Variants in HTT observed in about 807,000 individuals in gnomAD.
The protein encoded by HTT is huntingtin.
HTT carries 104 observed loss-of-function variants against 362.3 expected under a neutral mutation model. The observed-to-expected ratio is 0.29, with a 90% CI of 0.24 to 0.34. The LOEUF (loss-of-function observed/expected upper bound fraction) is 0.34. HTT is among the 10% of genes least tolerant of loss of function. HTT has a pLI of 1.00. For synonymous variants in HTT, 1,577 were observed against 1,548.7 expected (o/e 1.02, Z -0.43); for missense variants, 3,301 against 3,928.6 (o/e 0.84, Z 4.27).
intron 11 of HTT, among the ~76,000 whole-genome samples, chr4:3,126,990 C>A (rs543296857): frequency 1.3e-4 from 20 of 152,158 alleles, no homozygotes; most frequent in Non-Finnish European, 2.1e-4. Context: ...TTGGAGTAGT[C>A]GGTTAAGAAC....
chr4:3,081,639 A>T (rs898430227), intron 1 of HTT, among the ~76,000 whole-genome samples: 5 of 148,436 alleles, frequency 3.4e-5, no homozygotes, highest in South Asian at 4.3e-4. Flanking sequence ...GCTCACTGCA[A>T]CCTCTGCCTC....
At position 3,201,794 on chromosome 4, in the gene HTT, A is replaced by G. The variant is rs566351632; in HGVS notation, c.5576+1855A>G. Among the ~76,000 whole-genome samples the G allele has an allele frequency of 3.3e-5, 5 of 152,170 alleles. No individual in the cohort carries two copies. In the South Asian group the frequency reaches 6.2e-4, roughly 19 times the overall value. ...TTTTTCCAGCTGTGGGTGGTGGGGG[A>G]TGAGTATCTTTTTATTTCCATGAGA... On this transcript the variant is annotated intron_variant, in intron 41 of 66. Transcript: ENST00000355072.
At chr4:3,092,061 C>T (rs924417841) in intron 2 of HTT, among the ~76,000 whole-genome samples, 3 of 152,092 alleles carry the variant, frequency 2.0e-5, no homozygotes, top group African/African-American at 4.8e-5. Flanking sequence ...TTGCACTGTC[C>T]GCCTGGGCCA....
At chr4:3,209,256 G>A (rs1007784987) in intron 46 of HTT, among the ~76,000 whole-genome samples, 1 of 152,182 alleles carries the variant, frequency 6.6e-6, no homozygotes, top group Non-Finnish European at 1.5e-5. Context: ...CCACCTGTGA[G>A]TTGCACTGCC....
intron 1 of HTT, among the ~76,000 whole-genome samples, chr4:3,083,498 T>C (rs1265246021): frequency 6.8e-5 from 10 of 147,060 alleles, no homozygotes; most frequent in Non-Finnish European, 1.3e-4. Context: ...CACTACAACC[T>C]GGGCAAGAGA....
At position 3,074,938 on chromosome 4, in the gene HTT, A is replaced by AGCCGCCCCC. The variant is rs751462292; in HGVS notation, c.119_120insCCCGCCGCC (p.Pro47_Pro49dup). Reference sequence around the variant, plus strand: ...CAGCAGCAGCAGCAGCAGCAGCAACAGCCGCCACCGCCGCCGCCGCCGCCG... The same window carrying AGCCGCCCCC: ...CAGCAGCAGCAGCAGCAGCAGCAACAGCCGCCCCCGCCGCCACCGCCGCCGCCGCCGCCG... On this transcript the variant is annotated inframe_insertion, in exon 1 of 67. Coordinates refer to ENST00000355072, the MANE Select transcript of HTT (RefSeq NM_001388492.1). 8.0e-7 allele frequency: 1 copy of AGCCGCCCCC among 1,245,302 alleles called. No homozygotes were observed. The allele number at this position is 1,245,302 out of a possible 1,614,324, so 77.1% of individuals were successfully genotyped here.
intron 26 of HTT, among the ~76,000 whole-genome samples, chr4:3,149,482 A>G (rs1168599629): frequency 6.6e-6 from 1 of 151,768 alleles, no homozygotes; most frequent in Admixed American, 6.6e-5. Flanking sequence ...ATTTTTTTGT[A>G]GTTTTAGTAG....
intron 14 of HTT, 97 bp downstream of exon 14, chr4:3,130,520 C>G (rs901092552): frequency 2.0e-5 from 13 of 656,200 alleles, no homozygotes; most frequent in Non-Finnish European, 3.5e-5. Context: ...TTTCCCATCC[C>G]TGGGCCTTTA....
At chr4:3,181,237 G>GAGAGTCACGAGATCGTTCA (rs1408888550) in intron 36 of HTT, among the ~76,000 whole-genome samples, 2 of 152,288 alleles carry the variant, frequency 1.3e-5, no homozygotes, top group East Asian at 1.9e-4. Context: ...CTCCTGGTCT[G>GAGAGTCACGAGATCGTTCA]AGAGTCACGA....
chr4:3,074,933 G>GCAGCAGCAGCAGCAA lies in HTT; in HGVS notation c.110_111insGCAGCAGCAGCAACA (p.Gln34_Gln38dup), dbSNP rs1553909034. ...AGCAGCAGCAGCAGCAGCAGCAGCA[G>GCAGCAGCAGCAGCAA]CAACAGCCGCCACCGCCGCCGCCGC... On this transcript the variant is annotated inframe_insertion, in exon 1 of 67. Coordinates refer to ENST00000355072, the MANE Select transcript of HTT (RefSeq NM_001388492.1). 9.7e-6 allele frequency: 14 copies of GCAGCAGCAGCAGCAA among 1,443,948 alleles called. No individual in the cohort carries two copies. Among genetic ancestry groups the GCAGCAGCAGCAGCAA allele is most frequent in the South Asian group, 3.8e-5 (3 of 77,938 alleles). 89.4% of individuals were successfully genotyped at this position (1,443,948 alleles called of 1,614,324 possible).
In HTT at chr4:3,218,135, G is replaced by A. The variant is rs376273398; in HGVS notation, c.7242+183G>A. Among the ~76,000 whole-genome samples the A allele has an allele frequency of 1.2e-4, 18 of 152,320 alleles. No individual in the cohort carries two copies. In the East Asian group the frequency reaches 2.5e-3, roughly 21 times the overall value. On this transcript the variant is annotated intron_variant, in intron 52 of 66. Coordinates refer to ENST00000355072, the MANE Select transcript of HTT (RefSeq NM_001388492.1). This position sits in a 1 kb window ranked among gnomAD's most constrained non-coding sequence, Gnocchi z 4.4. Reference sequence around the variant, plus strand: ...TCCTCAGGCACCACGTGTGGAGGTCGCTAGTAGAAATACTGGGTTTTCTAA... The same window carrying A: ...TCCTCAGGCACCACGTGTGGAGGTCACTAGTAGAAATACTGGGTTTTCTAA...
In HTT at chr4:3,074,945, A is replaced by ACCGCCACCG; in HGVS notation, c.125_126insACCGCCGCC (p.Pro47_Pro49dup). The ACCGCCACCG allele has an allele frequency of 5.8e-6, 7 of 1,209,100 alleles. No homozygotes were observed. The highest frequency in any genetic ancestry group is 2.6e-5 in the Admixed American group (1 of 38,538). 74.9% of individuals were successfully genotyped at this position (1,209,100 alleles called of 1,614,324 possible). A position where few individuals can be genotyped will look rare whatever the true frequency, so the allele number is the denominator to read the frequency against. ...AGCAGCAGCAGCAGCAACAGCCGCC[A>ACCGCCACCG]CCGCCGCCGCCGCCGCCGCCGCCTC... On this transcript the variant is annotated inframe_insertion, in exon 1 of 67. Coordinates refer to ENST00000355072, the MANE Select transcript of HTT (RefSeq NM_001388492.1).
chr4:3,157,304 A>G, intron 28 of HTT, 105 bp downstream of exon 28: 2 of 1,081,218 alleles, frequency 1.8e-6, no homozygotes, highest in Non-Finnish European at 2.7e-6. Context: ...GCCCTTTGAG[A>G]TATGAGTTAC....
At chr4:3,222,227 T>G (rs1351911106) in intron 53 of HTT, among the ~76,000 whole-genome samples, 160 bp from the exon 54 acceptor site, 6 of 152,186 alleles carry the variant, frequency 3.9e-5, no homozygotes, top group Admixed American at 3.9e-4. Flanking sequence ...ATGGAGGGGA[T>G]AGTGTTCCCC....
At chr4:3,154,127 T>C (rs1175905487) in intron 26 of HTT, among the ~76,000 whole-genome samples, 166 bp from the exon 27 acceptor site, 1 of 152,228 alleles carries the variant, frequency 6.6e-6, no homozygotes, top group African/African-American at 2.4e-5. Flanking sequence ...AAATAAAATG[T>C]GTACAGTGTC....
rs763141300 is a variant in HTT, at chr4:3,186,632, A to C, written c.4902A>C (p.Leu1634Phe). ...ACTCTCATGAAGCCCTTGGAGTGTT[A>C]AATACATTATTTGAGATTTTGGCCC... ...HIDSHEALGV[L>F]NTLFEILAPS... Residue 1634 changes from leucine to phenylalanine, a missense_variant, in exon 38 of 67, where the codon TTA becomes TTC. This residue lies in a region of HTT where 2,316 missense variants were observed against 2,658.5 expected (regional missense o/e 0.87). Transcript: ENST00000355072. 1 of 1,612,096 alleles carries C rather than the reference A, an allele frequency of 6.2e-7. No homozygotes were observed. The highest frequency in any genetic ancestry group is 1.1e-5 in the South Asian group (1 of 91,030).
intron 61 of HTT, among the ~76,000 whole-genome samples, chr4:3,234,843 C>A (rs565358207): frequency 1.1e-4 from 16 of 152,228 alleles, no homozygotes; most frequent in Non-Finnish European, 1.8e-4. Flanking sequence ...CAGGTCCTCA[C>A]TGTGCCATGG....
chr4:3,126,660 C>T (rs1715533600), intron 11 of HTT, among the ~76,000 whole-genome samples: 1 of 152,162 alleles, frequency 6.6e-6, no homozygotes, highest in African/African-American at 2.4e-5. Context: ...CCCAACTGCC[C>T]CAGGAGTGAC....
In HTT at chr4:3,187,660, A is replaced by G. The variant is rs774669216; in HGVS notation, c.4999A>G (p.Ser1667Gly). The stretch of plus-strand genomic sequence containing the variant: ...ATTATGTTTATTTTAGGCGTCCGTG[A>G]GCACTGTTCAACTGTGGATATCGGG... ...FVTPNTMASV[S>G]TVQLWISGIL... The change falls in exon 39 of 67, where the codon AGC (serine) becomes GGC (glycine). Residue 1667 changes from serine (S) to glycine (G), a missense_variant. Ser to Gly is a moderately conservative substitution (Grantham distance 56). Transcript: ENST00000355072. 1.9e-6 allele frequency: 3 copies of G among 1,612,956 alleles called. No homozygotes were observed. The highest frequency in any genetic ancestry group is 1.7e-5 in the Admixed American group (1 of 59,994).
Sources: allele counts gnomAD v4.1 joint callset (sites outside exome capture counted in the v4.1 genomes callset), GRCh38; gene constraint gnomAD v4.1.1; regional missense constraint gnomAD v4.1.1; non-coding constraint Gnocchi (gnomAD v3.1); transcripts MANE v1.5; gene names NCBI Gene and HGNC (gene_info 2026-07-23, HGNC 2026-07-21).